CCZ1B: variants seen among roughly 807,000 people sequenced by gnomAD.
CCZ1B encodes CCZ1B vacuolar protein trafficking and biogenesis associated, also known as vacuolar fusion protein CCZ1 homolog B.
In CCZ1B, 25 loss-of-function variants were observed where a neutral mutation model predicts 58.8. The ratio of observed to expected loss-of-function variants is 0.43; its 90% CI spans 0.31 to 0.59. CCZ1B has a LOEUF of 0.59. Ranked by LOEUF, CCZ1B falls within the 20% of genes least tolerant of loss-of-function variation. The pLI is 0.12. For synonymous variants in CCZ1B, 66 were observed against 173.2 expected, an observed-to-expected ratio of 0.38 and a Z score of 4.86; for missense variants, 180 against 501.5, an observed-to-expected ratio of 0.36 and a Z score of 6.12.
In CCZ1B at chr7:6,819,123, G is replaced by GGA. The variant is rs1554259335; in HGVS notation, c.698+642_698+643insTC. On this transcript the variant is annotated intron_variant, in intron 7 of 14. Transcript: ENST00000316731. ...AACACAGTAAACCCCATCTCTATAA[G>GGA]AAAAAAAAAAAAAAAAAAAAAAAGG... Among the ~76,000 whole-genome samples, 29 of 65,666 alleles carry GGA rather than the reference G, an allele frequency of 4.4e-4. No homozygotes were observed. In the East Asian group the frequency reaches 0.013, roughly 29 times the overall value. The allele number at this position is 65,666 out of a possible 152,430, so 43.1% of individuals were successfully genotyped here.
At chr7:6,804,175 A>T (rs1782803085) in intron 12 of CCZ1B, among the ~76,000 whole-genome samples, 1 of 147,040 alleles carries the variant, frequency 6.8e-6, no homozygotes, top group African/African-American at 2.5e-5. Flanking sequence ...CTGTAATCCC[A>T]GCACTTTGGG....
At chr7:6,822,460 G>C in intron 5 of CCZ1B, 96 bp from the exon 6 acceptor site, 2 of 1,435,038 alleles carry the variant, frequency 1.4e-6, no homozygotes, top group Non-Finnish European at 1.9e-6. Flanking sequence ...TATTAATTCA[G>C]CTCATTAAAT....
chr7:6,808,490 T>G (rs1288155634), intron 10 of CCZ1B, among the ~76,000 whole-genome samples: 1 of 149,856 alleles, frequency 6.7e-6, no homozygotes, highest in Non-Finnish European at 1.5e-5. Flanking sequence ...TGGTGGCTCC[T>G]GGGCCCTGCC....
intron 10 of CCZ1B, among the ~76,000 whole-genome samples, chr7:6,809,462 C>G (rs1401344743): frequency 6.8e-6 from 1 of 146,092 alleles, no homozygotes; most frequent in African/African-American, 2.7e-5. Flanking sequence ...GAAATGCAGC[C>G]GACAGCATAT....
Position 6,824,627 on chromosome 7 carries a change from T to C in CCZ1B, c.218+13A>G, listed in dbSNP as rs758458014. On this transcript the variant is annotated intron_variant, in intron 2 of 14. Transcript: ENST00000316731. ...AATTCACTGAACGCTAAAGGCACAC[T>C]TAGAGGTATTACCTTGTAAACTGTA... 1 of 1,612,464 alleles carries C rather than the reference T, an allele frequency of 6.2e-7. No homozygotes were observed. The highest frequency in any genetic ancestry group is 8.5e-7 in the Non-Finnish European group (1 of 1,179,698).
rs764762986 is a variant in CCZ1B at position 6,822,298 on chromosome 7, C to CT, written c.504dup (p.Glu169ArgfsTer17). 6.3e-7 allele frequency: 1 copy of CT among 1,587,290 alleles called. No homozygotes were observed. The highest frequency in any genetic ancestry group is 1.9e-5 in the Admixed American group (1 of 52,244). ...ATACTTACCCGATGGAAGAATTTCT[C>CT]TAATCTTTCTTTCAGAAGCTTGACG... On this transcript the variant is annotated frameshift_variant, in exon 6 of 15. Transcript: ENST00000316731. LOFTEE classifies it high-confidence loss of function.
rs1173368085 is a variant in CCZ1B, at chr7:6,819,123, G to GAAAAAA, written c.698+637_698+642dup. Among the ~76,000 whole-genome samples, 372 of 65,646 alleles carry GAAAAAA rather than the reference G, an allele frequency of 5.7e-3. 11 individuals are homozygous for GAAAAAA. The highest frequency in any genetic ancestry group is 0.024 in the Middle Eastern group (2 of 82). The allele number at this position is 65,646 out of a possible 152,430, so 43.1% of individuals were successfully genotyped here. A position where few individuals can be genotyped will look rare whatever the true frequency, so the allele number is the denominator to read the frequency against. On this transcript the variant is annotated intron_variant, in intron 7 of 14. Coordinates refer to ENST00000316731, the MANE Select transcript of CCZ1B (RefSeq NM_198097.5). ...AACACAGTAAACCCCATCTCTATAA[G>GAAAAAA]AAAAAAAAAAAAAAAAAAAAAAAGG...
rs376938545 is a variant in CCZ1B at position 6,825,641 on chromosome 7, C to CCA, written c.120+435_120+436dup. Among the ~76,000 whole-genome samples, 452 of 87,242 alleles carry CCA rather than the reference C, an allele frequency of 5.2e-3. 69 individuals are homozygous for CCA. The highest frequency in any genetic ancestry group is 0.013 in the African/African-American group (270 of 21,186). The allele number at this position is 87,242 out of a possible 152,430, so 57.2% of individuals were successfully genotyped here. ...AGTCGCCGTCCCCACCTCAGAAAAA[C>CCA]CACACACACACACACACACACACCC... is the stretch of plus-strand genomic sequence containing the variant. On this transcript the variant is annotated intron_variant, in intron 1 of 14. Coordinates refer to ENST00000316731, the MANE Select transcript of CCZ1B (RefSeq NM_198097.5).
intron 12 of CCZ1B, among the ~76,000 whole-genome samples, chr7:6,801,983 G>A (rs1350737038): frequency 8.8e-6 from 1 of 113,786 alleles, no homozygotes; most frequent in African/African-American, 3.2e-5. Flanking sequence ...GTTTTAACAC[G>A]TATCTACATA....
rs1380369398 is a variant in CCZ1B, at chr7:6,804,917, A to G, written c.1106+21T>C. 3 of 1,404,192 alleles carry G rather than the reference A, an allele frequency of 2.1e-6. 1 individual carries two copies. The highest frequency in any genetic ancestry group is 2.8e-6 in the Non-Finnish European group (3 of 1,060,102). 87.0% of individuals were successfully genotyped at this position (1,404,192 alleles called of 1,614,324 possible). Reference sequence around the variant, plus strand: ...AAAAGCCGTTCAATGCCTGAAAGTGAACCGAAAGCAAAGTACAAACCCAGA... The same window carrying G: ...AAAAGCCGTTCAATGCCTGAAAGTGGACCGAAAGCAAAGTACAAACCCAGA... On this transcript the variant is annotated intron_variant, in intron 12 of 14. Coordinates refer to ENST00000316731, the MANE Select transcript of CCZ1B (RefSeq NM_198097.5).
At chr7:6,816,371 C>T (rs922339501) in intron 7 of CCZ1B, among the ~76,000 whole-genome samples, 6 of 148,720 alleles carry the variant, frequency 4.0e-5, no homozygotes, top group African/African-American at 1.3e-4. Flanking sequence ...ATCCCAGCTA[C>T]TTGGGAGACT....
intron 10 of CCZ1B, among the ~76,000 whole-genome samples, chr7:6,808,436 C>G (rs1415319358): frequency 6.7e-6 from 1 of 148,324 alleles, no homozygotes; most frequent in Non-Finnish European, 1.5e-5. Flanking sequence ...CCAAACCAAC[C>G]CAAACCAACC....
rs62441800 is a variant in CCZ1B at position 6,804,943 on chromosome 7, C to G, written c.1101G>C (p.Met367Ile). The G allele has an allele frequency of 0.33, 453,268 of 1,378,736 alleles. 83,974 individuals are homozygous for G. The highest frequency in any genetic ancestry group is 0.38 in the Middle Eastern group (1,913 of 5,030). The allele number at this position is 1,378,736 out of a possible 1,614,324, so 85.4% of individuals were successfully genotyped here. ...ACCGAAAGCAAAGTACAAACCCAGA[C>G]ATCCTCTTGTTGATGTTAAACTGTT... is the stretch of plus-strand genomic sequence containing the variant. Reference protein sequence around the residue: ...ICEQFNINKRMSGSEKEPQFK... With the variant: ...ICEQFNINKRISGSEKEPQFK... Residue 367 changes from methionine (M) to isoleucine (I), a missense_variant, in exon 12 of 15, where the codon ATG becomes ATC. Met to Ile is a conservative substitution (Grantham distance 10). Coordinates refer to ENST00000316731, the MANE Select transcript of CCZ1B (RefSeq NM_198097.5).
At chr7:6,801,750 A>AT (rs1348318894) in intron 12 of CCZ1B, among the ~76,000 whole-genome samples, 1 of 50,022 alleles carries the variant, frequency 2.0e-5, no homozygotes, top group Middle Eastern at 8.6e-3. Context: ...TAATTTTTGT[A>AT]TTTTTAGTAG....
At chr7:6,814,623 T>C (rs1305409166) in intron 8 of CCZ1B, 141 bp downstream of exon 8, 5 of 638,268 alleles carry the variant, frequency 7.8e-6, no homozygotes, top group Non-Finnish European at 1.3e-5. Context: ...TGCTAATTGA[T>C]ATACAGTGAC....
At chr7:6,816,626 G>T (rs1783004382) in intron 7 of CCZ1B, among the ~76,000 whole-genome samples, 1 of 150,870 alleles carries the variant, frequency 6.6e-6, no homozygotes, top group Non-Finnish European at 1.5e-5. Context: ...GTAACTCCTG[G>T]CTCAAGCGAT....
chr7:6,815,132 T>C (rs1324877506), intron 7 of CCZ1B, among the ~76,000 whole-genome samples: 1 of 148,832 alleles, frequency 6.7e-6, no homozygotes, highest in East Asian at 1.9e-4. Context: ...TTTGAAGCCC[T>C]GGATAAAGCT....
intron 12 of CCZ1B, among the ~76,000 whole-genome samples, chr7:6,803,700 AC>A (rs1311875952): frequency 6.8e-6 from 1 of 147,812 alleles, no homozygotes; most frequent in Non-Finnish European, 1.5e-5. Flanking sequence ...GCGGTGGCTC[AC>A]GCCTGTCATC....
At chr7:6,824,833 A>G in intron 1 of CCZ1B, 96 bp from the exon 2 acceptor site, 1 of 1,424,052 alleles carries the variant, frequency 7.0e-7, no homozygotes, top group Non-Finnish European at 9.4e-7. Flanking sequence ...TGTGTCACAC[A>G]TGCTAATGAC....
Sources: allele counts gnomAD v4.1 joint callset (sites outside exome capture counted in the v4.1 genomes callset), GRCh38; gene constraint gnomAD v4.1.1; transcripts MANE v1.5; gene names NCBI Gene and HGNC (gene_info 2026-07-23, HGNC 2026-07-21).